ZZZ3: variants seen among roughly 807,000 people sequenced by gnomAD.
ZZZ3 encodes the protein ZZ-type zinc finger-containing protein 3.
ZZZ3 carries 22 observed loss-of-function variants against 95.2 expected under a neutral mutation model. The ratio of observed to expected loss-of-function variants is 0.23; its 90% CI spans 0.17 to 0.33. ZZZ3 has a LOEUF of 0.33. ZZZ3 is among the 10% of genes least tolerant of loss of function. The pLI, the probability that ZZZ3 is intolerant of heterozygous loss-of-function variation, is 1.00. For synonymous variants in ZZZ3, 335 were observed against 358.9 expected (o/e 0.93, Z 0.75); for missense variants, 885 against 1,066.5 (o/e 0.83, Z 2.37).
At chr1:77,658,178 CAA>C (rs1186224710) in intron 1 of ZZZ3, among the ~76,000 whole-genome samples, 23,110 of 75,688 alleles carry the variant, frequency 0.31, 1,449 homozygotes, top group Middle Eastern at 0.45. Flanking sequence ...GACTTTGTCT[CAA>C]AAAAAAAAAA....
At chr1:77,651,934 T>C (rs556696076) in intron 1 of ZZZ3, among the ~76,000 whole-genome samples, 3 of 151,246 alleles carry the variant, frequency 2.0e-5, no homozygotes, top group African/African-American at 7.3e-5. Flanking sequence ...GAGAATCACT[T>C]GAACCTGGGA....
At chr1:77,644,062 CTT>C (rs112932216) in intron 1 of ZZZ3, among the ~76,000 whole-genome samples, 1 of 143,694 alleles carries the variant, frequency 7.0e-6, no homozygotes, top group African/African-American at 2.5e-5. Flanking sequence ...AAATAACTTT[CTT>C]TTTTTTTTTT....
intron 8 of ZZZ3, among the ~76,000 whole-genome samples, chr1:77,581,319 A>C (rs1195620122): frequency 6.6e-6 from 1 of 152,176 alleles, no homozygotes; most frequent in East Asian, 1.9e-4. Flanking sequence ...TTTTTAAAAA[A>C]GGGAAAGGAA....
chr1:77,680,292 A>G (rs1408660400), intron 1 of ZZZ3, among the ~76,000 whole-genome samples: 1 of 152,100 alleles, frequency 6.6e-6, no homozygotes, highest in Admixed American at 6.6e-5. Context: ...TCAAATACCG[A>G]CTCGGGCTGT....
intron 2 of ZZZ3, 33 bp downstream of exon 2, chr1:77,641,489 C>T: frequency 2.5e-6 from 1 of 398,018 alleles, no homozygotes; most frequent in Non-Finnish European, 4.4e-6. Context: ...CTAAACCCCA[C>T]ATGGCCTTAA....
chr1:77,673,434 T>C (rs1196877999), intron 1 of ZZZ3, among the ~76,000 whole-genome samples: 1 of 151,972 alleles, frequency 6.6e-6, no homozygotes, highest in African/African-American at 2.4e-5. Flanking sequence ...CCGCCTCTAC[T>C]AAAAATACAA....
chr1:77,577,188 A>T (rs1053492741), intron 11 of ZZZ3, among the ~76,000 whole-genome samples: 2 of 152,204 alleles, frequency 1.3e-5, no homozygotes, highest in African/African-American at 2.4e-5. Flanking sequence ...AACAATGGCA[A>T]GCAATCATTG....
At chr1:77,638,370 T>C (rs1009439673) in intron 4 of ZZZ3, among the ~76,000 whole-genome samples, 3 of 152,236 alleles carry the variant, frequency 2.0e-5, no homozygotes, top group African/African-American at 7.2e-5. Context: ...TTTGAAGCAT[T>C]ATCAGCTACA....
chr1:77,608,193 C>T (rs1478007052), intron 5 of ZZZ3, among the ~76,000 whole-genome samples: 1 of 152,104 alleles, frequency 6.6e-6, no homozygotes, highest in Non-Finnish European at 1.5e-5. Context: ...CCAAAGAAAA[C>T]TACCTCAAGT....
At chr1:77,604,197 T>C (rs1165250749) in intron 5 of ZZZ3, among the ~76,000 whole-genome samples, 2 of 152,138 alleles carry the variant, frequency 1.3e-5, no homozygotes, top group South Asian at 2.1e-4. Flanking sequence ...AAAAAATTGG[T>C]AATAGAGATG....
intron 5 of ZZZ3, among the ~76,000 whole-genome samples, chr1:77,594,592 G>A (rs776838181): frequency 2.6e-5 from 4 of 151,984 alleles, no homozygotes; most frequent in African/African-American, 4.8e-5. Flanking sequence ...TATAGTTCTA[G>A]ACTATATTTA....
intron 11 of ZZZ3, among the ~76,000 whole-genome samples, chr1:77,577,071 T>C (rs944249525): frequency 1.3e-5 from 2 of 152,218 alleles, no homozygotes; most frequent in African/African-American, 4.8e-5. Flanking sequence ...AAATTCTCAC[T>C]TTCCACCACT....
At chr1:77,599,344 A>G (rs1223380157) in intron 5 of ZZZ3, among the ~76,000 whole-genome samples, 1 of 151,958 alleles carries the variant, frequency 6.6e-6, no homozygotes, top group East Asian at 1.9e-4. Flanking sequence ...CATTCCACAA[A>G]TATTTATTGA....
chr1:77,597,613 T>C (rs1476894052), intron 5 of ZZZ3, among the ~76,000 whole-genome samples: 2 of 152,154 alleles, frequency 1.3e-5, no homozygotes, highest in East Asian at 3.8e-4. Context: ...ACTTCTATTG[T>C]TTTCCTTTCA....
rs527431012 is a variant in ZZZ3 at position 77,604,087 on chromosome 1, G to A, written c.1506-19432C>T. 3.9e-5 allele frequency among the ~76,000 whole-genome samples: 6 copies of A among 152,320 alleles called. No individual in the cohort carries two copies. The East Asian group carries it at 1.2e-3, about 29-fold the overall frequency. ...GGAGGCTGAAGTGGGAGGATCGCTTGAGCCCAGGATTCAAAGCTGCAGGCT... is the reference window on the plus strand; with the variant it reads ...GGAGGCTGAAGTGGGAGGATCGCTTAAGCCCAGGATTCAAAGCTGCAGGCT... On this transcript the variant is annotated intron_variant, in intron 5 of 14. Transcript: ENST00000370801.
intron 5 of ZZZ3, among the ~76,000 whole-genome samples, chr1:77,589,656 C>T (rs1364519934): frequency 1.3e-5 from 2 of 151,564 alleles, no homozygotes; most frequent in Admixed American, 6.6e-5. Context: ...GACAGGGTCT[C>T]GCTTTGTTGC....
At chr1:77,656,670 G>A (rs775772902) in intron 1 of ZZZ3, among the ~76,000 whole-genome samples, 1 of 152,150 alleles carries the variant, frequency 6.6e-6, no homozygotes, top group Admixed American at 6.5e-5. Context: ...ACTGTCTTCA[G>A]AGGGCACAAA....
intron 1 of ZZZ3, among the ~76,000 whole-genome samples, chr1:77,669,250 C>T (rs278856): frequency 0.42 from 63,926 of 151,894 alleles, 15,725 homozygotes; most frequent in African/African-American, 0.68. Context: ...CTATAGATAT[C>T]AAGTTTCTCT....
chr1:77,641,024 G>A (rs564620344), intron 3 of ZZZ3: 3 of 152,322 alleles, frequency 2.0e-5, no homozygotes, highest in South Asian at 2.1e-4. Flanking sequence ...AACATGGGGA[G>A]AAGCTCAGCG....
Sources: allele counts gnomAD v4.1 joint callset (sites outside exome capture counted in the v4.1 genomes callset), GRCh38; gene constraint gnomAD v4.1.1; transcripts MANE v1.5; gene names NCBI Gene and HGNC (gene_info 2026-07-23, HGNC 2026-07-21).